The following KLHL32 variants were observed in gnomAD, a reference collection of about 807,000 sequenced individuals.
The protein encoded by KLHL32 is kelch-like protein 32.
Under a neutral mutation model 64.8 loss-of-function variants are expected in KLHL32, and 35 were observed. The observed-to-expected ratio is 0.54, with a 90% confidence interval of 0.41 to 0.72. The LOEUF is 0.72. KLHL32 is among the 30% of genes least tolerant of loss of function. The pLI is 0.00. For synonymous variants in KLHL32, 259 were observed against 281.0 expected, an observed-to-expected ratio of 0.92 and a Z score of 0.78; for missense variants, 589 against 768.5, an observed-to-expected ratio of 0.77 and a Z score of 2.76.
chr6:96,998,849 G>T (rs1267308793), intron 3 of KLHL32, among the ~76,000 whole-genome samples: 1 of 152,144 alleles, frequency 6.6e-6, no homozygotes, highest in Non-Finnish European at 1.5e-5. Flanking sequence ...TTTGAATTAT[G>T]CATTACATGG....
intron 5 of KLHL32, among the ~76,000 whole-genome samples, chr6:97,064,963 C>T (rs764482859): frequency 7.9e-5 from 12 of 152,162 alleles, no homozygotes; most frequent in Non-Finnish European, 1.0e-4. Flanking sequence ...TAGGTCCCCA[C>T]GACCATTGAG....
chr6:97,112,772 A>G (rs1326030326), intron 6 of KLHL32, among the ~76,000 whole-genome samples: 1 of 151,302 alleles, frequency 6.6e-6, no homozygotes. Context: ...TTTTAAAAAA[A>G]AAAAGGAGAA....
chr6:96,945,084 A>G (rs548463023), intron 1 of KLHL32, among the ~76,000 whole-genome samples: 2 of 152,320 alleles, frequency 1.3e-5, no homozygotes, highest in East Asian at 3.9e-4. Context: ...CTCTTGTTAT[A>G]AACTACTTAA....
At chr6:96,974,562 A>G (rs1455108102) in intron 2 of KLHL32, among the ~76,000 whole-genome samples, 1 of 152,220 alleles carries the variant, frequency 6.6e-6, no homozygotes, top group Non-Finnish European at 1.5e-5. Context: ...ACCTTCCCAC[A>G]GGAACTTCCT....
At chr6:97,082,544 C>T (rs559966570) in intron 5 of KLHL32, among the ~76,000 whole-genome samples, 70 of 151,532 alleles carry the variant, frequency 4.6e-4, no homozygotes, top group African/African-American at 1.5e-3. Flanking sequence ...ACCCGGGAGG[C>T]GGAGCTTGCA....
At chr6:97,009,753 C>T (rs1239451878) in intron 3 of KLHL32, among the ~76,000 whole-genome samples, 1 of 152,192 alleles carries the variant, frequency 6.6e-6, no homozygotes, top group Non-Finnish European at 1.5e-5. Flanking sequence ...CCTACTAAAG[C>T]ATCAGACTGT....
intron 4 of KLHL32, among the ~76,000 whole-genome samples, chr6:97,042,819 G>T (rs1785330575): frequency 6.6e-6 from 1 of 152,150 alleles, no homozygotes. Context: ...TTGGATGTTT[G>T]TCCTCTCCAA....
intron 1 of KLHL32, among the ~76,000 whole-genome samples, chr6:96,946,148 A>G (rs1277828468): frequency 1.3e-5 from 2 of 151,850 alleles, no homozygotes; most frequent in Non-Finnish European, 2.9e-5. Context: ...AAGCTTTTAG[A>G]TATTCAAAAT....
Position 97,040,640 on chromosome 6 carries a change from A to G in KLHL32, c.205-852A>G, listed in dbSNP as rs550678971. ...GTCCAAGGGCTACACTTTGAGAACA[A>G]CTGAAACGGAGTGTGTGATACATGG... On this transcript the variant is annotated intron_variant, in intron 3 of 10. Coordinates refer to ENST00000369261, the MANE Select transcript of KLHL32 (RefSeq NM_052904.4). 4.6e-5 allele frequency among the ~76,000 whole-genome samples: 7 copies of G among 152,306 alleles called. 1 individual carries two copies. In the South Asian group the frequency reaches 1.2e-3, roughly 27 times the overall value.
intron 1 of KLHL32, among the ~76,000 whole-genome samples, chr6:96,961,854 C>T (rs1773918426): frequency 6.6e-6 from 1 of 152,204 alleles, no homozygotes; most frequent in Non-Finnish European, 1.5e-5. Context: ...CTTCAGGCAG[C>T]TGTTGCAGGC....
intron 3 of KLHL32, chr6:97,024,943 T>A: frequency 1.0e-6 from 1 of 954,218 alleles, no homozygotes; most frequent in Non-Finnish European, 1.2e-6. Flanking sequence ...TTATAACTTT[T>A]ATGCTGTTTT....
At chr6:97,100,825 A>T (rs1795615692) in intron 6 of KLHL32, among the ~76,000 whole-genome samples, 1 of 123,654 alleles carries the variant, frequency 8.1e-6, no homozygotes. Context: ...TTTTTTTGAG[A>T]CACGGTCTTG....
chr6:97,069,689 A>G (rs1292680578), intron 5 of KLHL32, among the ~76,000 whole-genome samples: 1 of 152,104 alleles, frequency 6.6e-6, no homozygotes, highest in East Asian at 1.9e-4. Context: ...AGGGATTGAA[A>G]GGTGCCTCCA....
rs149665621 is a variant in KLHL32 at position 97,033,098 on chromosome 6, T to C, written c.205-8394T>C. Among the ~76,000 whole-genome samples the C allele has an allele frequency of 2.7e-3, 408 of 152,292 alleles. 4 individuals carry two copies. Among genetic ancestry groups the C allele is most frequent in the African/African-American group, 9.3e-3 (385 of 41,576 alleles). ...AATTTTACTAAGAGCTTGCCATATG[T>C]CAGGCACTGTTCACTTTGTATGTAT... On this transcript the variant is annotated intron_variant, in intron 3 of 10. Transcript: ENST00000369261.
chr6:96,966,708 C>G (rs1020473667), intron 1 of KLHL32, among the ~76,000 whole-genome samples: 1 of 152,138 alleles, frequency 6.6e-6, no homozygotes, highest in Non-Finnish European at 1.5e-5. Context: ...TTCCTTTGGC[C>G]ATTCCATCTC....
intron 6 of KLHL32, among the ~76,000 whole-genome samples, chr6:97,090,809 A>G (rs575174033): frequency 1.3e-5 from 2 of 152,366 alleles, no homozygotes; most frequent in Non-Finnish European, 2.9e-5. Context: ...ATGTCTTCTA[A>G]TTCTTGAGCT....
chr6:97,020,034 C>T (rs1781777868), intron 3 of KLHL32, among the ~76,000 whole-genome samples: 1 of 151,264 alleles, frequency 6.6e-6, no homozygotes, highest in Non-Finnish European at 1.5e-5. Context: ...CCTCTGCCTC[C>T]TGGGTTCAAG....
the KLHL32 span, among the ~76,000 whole-genome samples, chr6:96,903,351 AAC>A: frequency 6.6e-6 from 1 of 152,168 alleles, no homozygotes; most frequent in African/African-American, 2.4e-5. Flanking sequence ...ATATGAATAT[AAC>A]ACAATCGAAT....
chr6:96,936,412 T>A (rs1770604746), intron 1 of KLHL32, among the ~76,000 whole-genome samples: 1 of 152,212 alleles, frequency 6.6e-6, no homozygotes, highest in African/African-American at 2.4e-5. Flanking sequence ...CTTTACAATT[T>A]TTTTTCCTTC....
Sources: allele counts gnomAD v4.1 joint callset (sites outside exome capture counted in the v4.1 genomes callset), GRCh38; gene constraint gnomAD v4.1.1; transcripts MANE v1.5; gene names NCBI Gene and HGNC (gene_info 2026-07-23, HGNC 2026-07-21).